The following DLG5 variants were observed in gnomAD, a reference collection of about 807,000 sequenced individuals.
DLG5 encodes the protein discs large MAGUK scaffold protein 5, also known as disks large homolog 5.
Under a neutral mutation model 189.8 loss-of-function variants are expected in DLG5, and 48 were observed. The ratio of observed to expected loss-of-function variants is 0.25; its 90% CI spans 0.20 to 0.32. The LOEUF (loss-of-function observed/expected upper bound fraction) is 0.32. DLG5 is among the 10% of genes least tolerant of loss of function. DLG5 has a pLI of 1.00. For missense variants in DLG5, 2,160 were observed against 2,544.7 expected (o/e 0.85, Z 3.25); for synonymous variants, 1,016 against 1,054.1 (o/e 0.96, Z 0.70).
At chr10:77,835,646 C>G (rs1164996299) in intron 8 of DLG5, 92 bp downstream of exon 8, 1 of 1,345,920 alleles carries the variant, frequency 7.4e-7, no homozygotes. Context: ...CCTGGACATA[C>G]AGTAAATGAT....
At chr10:77,915,198 G>A (rs934128875) in intron 1 of DLG5, among the ~76,000 whole-genome samples, 7 of 152,050 alleles carry the variant, frequency 4.6e-5, no homozygotes, top group Non-Finnish European at 2.9e-5. Flanking sequence ...GCAGTGGCAG[G>A]CACCTGTAAT....
At chr10:77,825,304 T>C (rs1842565692) in intron 13 of DLG5, among the ~76,000 whole-genome samples, 1 of 151,182 alleles carries the variant, frequency 6.6e-6, no homozygotes, top group Non-Finnish European at 1.5e-5. Context: ...ACCTCAGTGC[T>C]GATAGAACAG....
intron 1 of DLG5, among the ~76,000 whole-genome samples, chr10:77,890,534 C>T (rs1845575537): frequency 6.6e-6 from 1 of 152,136 alleles, no homozygotes; most frequent in Non-Finnish European, 1.5e-5. Flanking sequence ...TTACACTTTA[C>T]GGCCGGGCAC....
upstream of DLG5, among the ~76,000 whole-genome samples, chr10:77,930,897 C>T (rs184992960): frequency 2.4e-3 from 348 of 148,018 alleles, 1 homozygote; most frequent in African/African-American, 8.4e-3. Flanking sequence ...CTCAGCTCAC[C>T]GCAACCTCCA....
At chr10:77,920,986 A>G (rs1016926666) in intron 1 of DLG5, among the ~76,000 whole-genome samples, 3 of 152,216 alleles carry the variant, frequency 2.0e-5, no homozygotes, top group Non-Finnish European at 2.9e-5. Context: ...CCCTTCACTT[A>G]AAAACCTCTT....
At chr10:77,812,525 TG>T in intron 20 of DLG5, 148 bp from the exon 21 acceptor site, 1 of 882,532 alleles carries the variant, frequency 1.1e-6, no homozygotes, top group Non-Finnish European at 1.7e-6. Flanking sequence ...CATGGGGACA[TG>T]GTGGGCCCAC....
intron 5 of DLG5, among the ~76,000 whole-genome samples, chr10:77,844,607 G>A (rs910749155): frequency 6.6e-6 from 1 of 152,252 alleles, no homozygotes; most frequent in Non-Finnish European, 1.5e-5. Flanking sequence ...GGTGATGCCA[G>A]ACAGGACAGA....
intron 1 of DLG5, among the ~76,000 whole-genome samples, chr10:77,882,296 G>A (rs1479002749): frequency 2.0e-5 from 3 of 152,194 alleles, no homozygotes; most frequent in Non-Finnish European, 4.4e-5. Context: ...TACTTTTTCT[G>A]AGCCTCGGTG....
intron 5 of DLG5, among the ~76,000 whole-genome samples, chr10:77,848,850 T>C (rs1843821383): frequency 6.6e-6 from 1 of 152,158 alleles, no homozygotes; most frequent in Non-Finnish European, 1.5e-5. Context: ...CTAGGCTGGA[T>C]CTGAGTAGGT....
chr10:77,791,392 C>T lies in DLG5; in HGVS notation c.*1048G>A, dbSNP rs1369024570. ...GAAGACACCCACACTGAGTAGGGTG[C>T]ATGCCGTGAGTGCTGTAATCAAGAT... On this transcript the variant is annotated 3_prime_UTR_variant, in exon 32 of 32. Transcript: ENST00000372391. 2 of 151,392 alleles carry T rather than the reference C, an allele frequency of 1.3e-5. No individual in the cohort carries two copies. Among genetic ancestry groups the T allele is most frequent in the Non-Finnish European group, 2.9e-5 (2 of 67,896 alleles). The allele number at this position is 151,392 out of a possible 1,614,324, so 9.4% of individuals were successfully genotyped here.
In DLG5 at chr10:77,845,818, CA is replaced by C. The variant is rs561845949; in HGVS notation, c.865-2113del. ...TTTAAAAAGCAGTACACAGGTATCT[CA>C]GGCAGTCAAAATCTTCACTGTTTTG... On this transcript the variant is annotated intron_variant, in intron 5 of 31. Coordinates refer to ENST00000372391, the MANE Select transcript of DLG5 (RefSeq NM_004747.4). 1.3e-4 allele frequency among the ~76,000 whole-genome samples: 19 copies of C among 151,862 alleles called. No homozygotes were observed. The East Asian group carries it at 3.7e-3, about 29-fold the overall frequency.
chr10:77,870,277 T>A (rs1442458900), intron 1 of DLG5, among the ~76,000 whole-genome samples: 2 of 152,108 alleles, frequency 1.3e-5, no homozygotes, highest in Non-Finnish European at 2.9e-5. Context: ...GAGCTGGAGA[T>A]GGAATTTTTG....
chr10:77,817,050 T>A lies in DLG5; in HGVS notation c.3831A>T (p.Pro1277=). 1 of 1,614,170 alleles carries A rather than the reference T, an allele frequency of 6.2e-7. No individual in the cohort carries two copies. Among genetic ancestry groups the A allele is most frequent in the Non-Finnish European group, 8.5e-7 (1 of 1,180,030 alleles). The change falls in exon 19 of 32, where the codon CCA becomes CCT. Residue 1277 remains proline (P), a synonymous_variant. Transcript: ENST00000372391. ...LQFKAERIKI[P]STPRYPRSVV... The stretch of plus-strand genomic sequence containing the variant: ...CACTCCGCGGATATCTTGGTGTTGA[T>A]GGGATTTTAATGCGTTCCGCCTTGA...
At chr10:77,829,285 C>A (rs961857849) in intron 12 of DLG5, 70 bp downstream of exon 12, 1 of 1,596,780 alleles carries the variant, frequency 6.3e-7, no homozygotes, top group Non-Finnish European at 8.6e-7. Context: ...TAAGGGGCAC[C>A]CCCGGCCCCT....
chr10:77,862,504 A>C (rs998476065), intron 2 of DLG5, among the ~76,000 whole-genome samples: 1 of 152,260 alleles, frequency 6.6e-6, no homozygotes, highest in African/African-American at 2.4e-5. Context: ...AACACTGCTG[A>C]TGAGAATACA....
intron 1 of DLG5, among the ~76,000 whole-genome samples, chr10:77,909,070 T>C (rs568975856): frequency 4.8e-4 from 73 of 152,222 alleles, no homozygotes; most frequent in Non-Finnish European, 2.8e-4. Flanking sequence ...CTTTCCATCT[T>C]TGCATGCTCA....
intron 1 of DLG5, among the ~76,000 whole-genome samples, chr10:77,914,044 C>T (rs1282073262): frequency 1.3e-5 from 2 of 152,208 alleles, no homozygotes; most frequent in African/African-American, 4.8e-5. Flanking sequence ...TATCACATAC[C>T]CTGCACCATC....
chr10:77,918,345 G>A (rs866574648), intron 1 of DLG5, among the ~76,000 whole-genome samples: 28 of 151,996 alleles, frequency 1.8e-4, no homozygotes, highest in Middle Eastern at 3.4e-3. Context: ...CTGGGGAGGC[G>A]AAGGTTGCAT....
chr10:77,863,177 C>T (rs938971346), intron 2 of DLG5, among the ~76,000 whole-genome samples: 5 of 152,098 alleles, frequency 3.3e-5, no homozygotes, highest in African/African-American at 1.2e-4. Flanking sequence ...CTACAACCTC[C>T]ACCTCCTGGG....
Sources: gnomAD v4.1 joint callset for allele counts (sites outside exome capture counted in the v4.1 genomes callset) on GRCh38, gnomAD v4.1.1 for gene constraint, MANE v1.5 for transcripts, NCBI Gene and HGNC (gene_info 2026-07-23, HGNC 2026-07-21) for gene names.